Variants in PIBF1 observed in about 807,000 individuals in gnomAD.
PIBF1 encodes the protein progesterone immunomodulatory binding factor 1.
In PIBF1, 90 loss-of-function variants were observed where a neutral mutation model predicts 112.5. That is an observed-to-expected ratio of 0.80 (90% confidence interval 0.67 to 0.95). The LOEUF is 0.95. Ranked by LOEUF, PIBF1 falls within the 40% of genes least tolerant of loss-of-function variation. The pLI, the probability that PIBF1 is intolerant of heterozygous loss-of-function variation, is 0.00. For missense variants in PIBF1, 915 were observed against 852.3 expected (o/e 1.07, Z -0.92); for synonymous variants, 301 against 288.6 (o/e 1.04, Z -0.44).
At chr13:72,797,589 G>A (rs574639217) in intron 4 of PIBF1, among the ~76,000 whole-genome samples, 1 of 152,248 alleles carries the variant, frequency 6.6e-6, no homozygotes, top group East Asian at 1.9e-4. Context: ...CAAGACTCCT[G>A]AACATTTGTG....
intron 9 of PIBF1, 28 bp downstream of exon 9, chr13:72,835,396 ATT>A (rs750705493): frequency 6.6e-7 from 1 of 1,504,220 alleles, no homozygotes; most frequent in Admixed American, 2.3e-5. Flanking sequence ...CTTGTATGGT[ATT>A]TTATTTATCT....
chr13:72,791,817 A>G (rs1169565894), intron 2 of PIBF1, among the ~76,000 whole-genome samples: 3 of 151,664 alleles, frequency 2.0e-5, no homozygotes, highest in African/African-American at 7.3e-5. Flanking sequence ...ATTTTTTAGT[A>G]AAGATGGAGT....
intron 11 of PIBF1, among the ~76,000 whole-genome samples, chr13:72,897,889 G>A (rs769548672): frequency 1.3e-5 from 2 of 152,114 alleles, no homozygotes; most frequent in Non-Finnish European, 2.9e-5. Context: ...CACTAGAGAG[G>A]TCTTTAAGAC....
chr13:72,885,935 A>C lies in PIBF1; in HGVS notation c.1323-7849A>C, dbSNP rs188330285. On this transcript the variant is annotated intron_variant, in intron 10 of 17. Transcript: ENST00000326291. ...GTTGCTGTATTCAGGAGTTTTTTGG[A>C]GTATTCCTTAGCCCATTTCAGAACA... is the stretch of plus-strand genomic sequence containing the variant. Among the ~76,000 whole-genome samples the C allele has an allele frequency of 4.7e-4, 71 of 152,244 alleles. 1 individual carries two copies. Among genetic ancestry groups the C allele is most frequent in the Admixed American group, 3.6e-3 (55 of 15,282 alleles).
At chr13:72,785,932 T>C (rs901047970) in intron 2 of PIBF1, among the ~76,000 whole-genome samples, 3 of 152,220 alleles carry the variant, frequency 2.0e-5, no homozygotes, top group Non-Finnish European at 4.4e-5. Flanking sequence ...GAAATGTTGG[T>C]TGATTCATGA....
chr13:72,911,863 C>T (rs2040905026), intron 12 of PIBF1, among the ~76,000 whole-genome samples: 1 of 152,012 alleles, frequency 6.6e-6, no homozygotes, highest in African/African-American at 2.4e-5. Context: ...GGCATAGTGA[C>T]TCATGCCTGT....
chr13:72,874,147 T>C (rs990304397), intron 10 of PIBF1, among the ~76,000 whole-genome samples: 1 of 152,212 alleles, frequency 6.6e-6, no homozygotes, highest in Admixed American at 6.5e-5. Context: ...CTTATGTGAA[T>C]GCAGAATCAC....
intron 11 of PIBF1, among the ~76,000 whole-genome samples, chr13:72,904,429 A>ATTTTTTTTTTTTTT (rs1240090172): frequency 6.7e-4 from 34 of 51,070 alleles, no homozygotes; most frequent in African/African-American, 1.1e-3. Flanking sequence ...ATATCAAAAT[A>ATTTTTTTTTTTTTT]TTTCTTTTTT....
intron 14 of PIBF1, among the ~76,000 whole-genome samples, chr13:72,931,576 T>C (rs944630605): frequency 2.0e-5 from 3 of 151,954 alleles, no homozygotes; most frequent in Non-Finnish European, 4.4e-5. Flanking sequence ...TTAAGTTTTT[T>C]ACTAATCATT....
intron 9 of PIBF1, among the ~76,000 whole-genome samples, chr13:72,844,785 A>ACACACG (rs1566348682): frequency 8.0e-6 from 1 of 124,988 alleles, no homozygotes; most frequent in African/African-American, 3.0e-5. Context: ...ACACACACAC[A>ACACACG]CACACACACA....
At chr13:72,955,494 G>GTCCT (rs1187333033) in intron 14 of PIBF1, among the ~76,000 whole-genome samples, 1 of 151,822 alleles carries the variant, frequency 6.6e-6, no homozygotes, top group African/African-American at 2.4e-5. Flanking sequence ...AACAAATAAG[G>GTCCT]TAATTGTTTA....
At chr13:72,819,006 G>A (rs1356460562) in intron 5 of PIBF1, among the ~76,000 whole-genome samples, 1 of 152,030 alleles carries the variant, frequency 6.6e-6, no homozygotes, top group Non-Finnish European at 1.5e-5. Flanking sequence ...CAGAGAAAAT[G>A]GAAATCTTCA....
chr13:72,791,973 G>C (rs947636459), intron 2 of PIBF1, among the ~76,000 whole-genome samples: 3 of 151,616 alleles, frequency 2.0e-5, no homozygotes, highest in Non-Finnish European at 2.9e-5. Flanking sequence ...AGGTAAGATA[G>C]AGGAATATAA....
chr13:72,813,367 C>T (rs1159994753), intron 5 of PIBF1, among the ~76,000 whole-genome samples: 1 of 152,176 alleles, frequency 6.6e-6, no homozygotes, highest in East Asian at 1.9e-4. Context: ...GAGTGGAAGT[C>T]TTGAGCTTTG....
chr13:72,868,648 T>A (rs1342572220), intron 10 of PIBF1, among the ~76,000 whole-genome samples: 1 of 152,086 alleles, frequency 6.6e-6, no homozygotes, highest in Non-Finnish European at 1.5e-5. Flanking sequence ...TACTTCAACT[T>A]GGTATCCAGT....
chr13:72,848,572 G>A (rs535130802), intron 9 of PIBF1, among the ~76,000 whole-genome samples: 6 of 152,200 alleles, frequency 3.9e-5, no homozygotes, highest in Non-Finnish European at 5.9e-5. Flanking sequence ...TTGGCCGGGC[G>A]CGGTGGCTCA....
chr13:72,789,420 C>T (rs2034777577), intron 2 of PIBF1, among the ~76,000 whole-genome samples: 1 of 152,116 alleles, frequency 6.6e-6, no homozygotes, highest in Non-Finnish European at 1.5e-5. Context: ...CTCCTGGCTT[C>T]AAGCAATCCT....
At position 72,965,191 on chromosome 13, in the gene PIBF1, A is replaced by C. The variant is rs1279048310; in HGVS notation, c.1834-83A>C. ...TAATTCATGTCAAAGGAATTTCTGT[A>C]CTATATTTGTGCTAGAGCATTTTGA... On this transcript the variant is annotated intron_variant, in intron 14 of 17. Coordinates refer to ENST00000326291, the MANE Select transcript of PIBF1 (RefSeq NM_006346.4). 5.9e-6 allele frequency: 7 copies of C among 1,196,218 alleles called. No homozygotes were observed. The Admixed American group carries it at 1.2e-4, about 21-fold the overall frequency. 74.1% of individuals were successfully genotyped at this position (1,196,218 alleles called of 1,614,324 possible). A position where few individuals can be genotyped will look rare whatever the true frequency, so the allele number is the denominator to read the frequency against.
At chr13:72,992,617 A>G (rs987981283) in intron 16 of PIBF1, among the ~76,000 whole-genome samples, 1 of 152,154 alleles carries the variant, frequency 6.6e-6, no homozygotes, top group African/African-American at 2.4e-5. Flanking sequence ...AACATGGTGA[A>G]ACCCCATCTC....
Sources: gnomAD v4.1 joint callset for allele counts (sites outside exome capture counted in the v4.1 genomes callset) on GRCh38, gnomAD v4.1.1 for gene constraint, MANE v1.5 for transcripts, NCBI Gene and HGNC (gene_info 2026-07-23, HGNC 2026-07-21) for gene names.